The following CHN1 variants were observed in gnomAD, a reference collection of about 807,000 sequenced individuals.
The protein encoded by CHN1 is N-chimaerin.
A neutral mutation model predicts 59.5 loss-of-function variants in CHN1; 37 were observed. That is an observed-to-expected ratio of 0.62 (90% CI 0.48 to 0.82). The LOEUF (loss-of-function observed/expected upper bound fraction) is 0.82. CHN1 is among the 40% of genes least tolerant of loss of function. The pLI, the probability that CHN1 is intolerant of heterozygous loss-of-function variation, is 0.00. For missense variants in CHN1, 469 were observed against 571.0 expected (o/e 0.82, Z 1.82); for synonymous variants, 206 against 200.4 (o/e 1.03, Z -0.24).
chr2:174,807,136 A>G (rs1186443827), intron 11 of CHN1, among the ~76,000 whole-genome samples: 1 of 152,202 alleles, frequency 6.6e-6, no homozygotes, highest in Admixed American at 6.5e-5. Context: ...GATAATAAAA[A>G]GGAGAGATTT....
intron 7 of CHN1, among the ~76,000 whole-genome samples, chr2:174,840,511 T>C (rs1042448451): frequency 2.0e-5 from 3 of 152,086 alleles, no homozygotes; most frequent in African/African-American, 7.2e-5. Context: ...TATATTGACA[T>C]TTGCTTTCTT....
intron 7 of CHN1, among the ~76,000 whole-genome samples, chr2:174,839,559 C>G (rs1686215123): frequency 6.6e-6 from 1 of 151,336 alleles, no homozygotes; most frequent in Admixed American, 6.6e-5. Context: ...AACTTGTGAG[C>G]AACACGATGC....
intron 1 of CHN1, among the ~76,000 whole-genome samples, chr2:174,985,757 T>A (rs1375512124): frequency 1.3e-5 from 2 of 152,052 alleles, no homozygotes; most frequent in Non-Finnish European, 2.9e-5. Flanking sequence ...TTTCAAGGAG[T>A]CTTGACTAAA....
chr2:174,802,722 A>G lies in CHN1; in HGVS notation c.1103-910T>C, dbSNP rs529585319. Among the ~76,000 whole-genome samples, 58 of 152,298 alleles carry G rather than the reference A, an allele frequency of 3.8e-4. No individual in the cohort carries two copies. The South Asian group carries it at 0.011, about 30-fold the overall frequency. On this transcript the variant is annotated intron_variant, in intron 11 of 12. Transcript: ENST00000409900. ...ACAGTACATTCCTGCTTCTACTCAAAGGTCAAAAGATGGGGTGCTTTTAAA... is the reference window on the plus strand; with the variant it reads ...ACAGTACATTCCTGCTTCTACTCAAGGGTCAAAAGATGGGGTGCTTTTAAA...
intron 7 of CHN1, among the ~76,000 whole-genome samples, chr2:174,835,039 T>C (rs1302196220): frequency 6.6e-6 from 1 of 152,214 alleles, no homozygotes; most frequent in Non-Finnish European, 1.5e-5. Flanking sequence ...CCTTGACTTA[T>C]GATGGGGTTA....
Position 174,999,203 on chromosome 2 carries a change from T to C in CHN1, c.19+5691A>G, listed in dbSNP as rs564576769. Among the ~76,000 whole-genome samples the C allele has an allele frequency of 5.3e-5, 8 of 152,346 alleles. No homozygotes were observed. In the South Asian group the frequency reaches 1.7e-3, roughly 32 times the overall value. ...CAAAGTTCATAGAAATTATTTTCTA[T>C]GTAAGAATAACTAATGGCTGGTAAT... is the stretch of plus-strand genomic sequence containing the variant. On this transcript the variant is annotated intron_variant, in intron 1 of 12. Transcript: ENST00000409900.
At chr2:174,830,401 A>C (rs907466013) in intron 7 of CHN1, among the ~76,000 whole-genome samples, 2 of 152,212 alleles carry the variant, frequency 1.3e-5, no homozygotes, top group South Asian at 2.1e-4. Context: ...TTACTATAGG[A>C]GTATCTTTAG....
chr2:174,862,560 T>C (rs1687103058), intron 6 of CHN1, among the ~76,000 whole-genome samples: 1 of 152,166 alleles, frequency 6.6e-6, no homozygotes, highest in Non-Finnish European at 1.5e-5. Context: ...CTCAATCTCC[T>C]AACCTCGTGA....
At chr2:174,907,125 G>A (rs1688566105) in intron 5 of CHN1, among the ~76,000 whole-genome samples, 1 of 152,152 alleles carries the variant, frequency 6.6e-6, no homozygotes, top group Non-Finnish European at 1.5e-5. Flanking sequence ...ACATTAATCA[G>A]AAGGCTGCTT....
chr2:174,967,914 G>T lies in CHN1; in HGVS notation c.20-15712C>A, dbSNP rs1690644277. On this transcript the variant is annotated intron_variant, in intron 1 of 12. Transcript: ENST00000409900. ...ACTTGGATTCTTGCCCTTGGAACAG[G>T]AATCGATCATATTCCCTGGCCTGGG... is the stretch of plus-strand genomic sequence containing the variant. 2.6e-5 allele frequency among the ~76,000 whole-genome samples: 4 copies of T among 152,184 alleles called. No individual in the cohort carries two copies. The South Asian group carries it at 8.3e-4, about 32-fold the overall frequency.
At position 174,990,211 on chromosome 2, in the gene CHN1, G is replaced by A. The variant is rs574998827; in HGVS notation, c.19+14683C>T. ...TGACATTGGCAGACTTGGTGTGTGC[G>A]GGGTGTGTGTGTGTGGTGTGTCTGT... On this transcript the variant is annotated intron_variant, in intron 1 of 12. Transcript: ENST00000409900. Among the ~76,000 whole-genome samples, 13 of 150,490 alleles carry A rather than the reference G, an allele frequency of 8.6e-5. No homozygotes were observed. In the East Asian group the frequency reaches 1.6e-3, roughly 18 times the overall value.
At chr2:174,911,071 A>G (rs1688689419) in intron 5 of CHN1, among the ~76,000 whole-genome samples, 1 of 152,202 alleles carries the variant, frequency 6.6e-6, no homozygotes, top group Non-Finnish European at 1.5e-5. Context: ...TTTGACATTA[A>G]AAACTCAACG....
At chr2:174,904,878 C>A (rs1335980684) in intron 5 of CHN1, among the ~76,000 whole-genome samples, 1 of 152,108 alleles carries the variant, frequency 6.6e-6, no homozygotes, top group East Asian at 1.9e-4. Flanking sequence ...AGACAGCAAA[C>A]CTGCCCAGCC....
chr2:174,907,538 G>A (rs1688574817), intron 5 of CHN1, among the ~76,000 whole-genome samples: 1 of 151,580 alleles, frequency 6.6e-6, no homozygotes, highest in Non-Finnish European at 1.5e-5. Context: ...AGATTTAGGA[G>A]GTATTATCTT....
intron 7 of CHN1, among the ~76,000 whole-genome samples, chr2:174,835,512 C>G (rs1253591798): frequency 1.3e-5 from 2 of 151,574 alleles, no homozygotes; most frequent in East Asian, 3.9e-4. Context: ...CTTCTGTGAC[C>G]CAAATTACAC....
chr2:174,935,743 T>C (rs945752499), intron 3 of CHN1, among the ~76,000 whole-genome samples: 20 of 151,930 alleles, frequency 1.3e-4, no homozygotes, highest in African/African-American at 4.8e-4. Context: ...CTGGGGAACA[T>C]AGTAAGACCT....
At chr2:174,882,600 T>A (rs1204074733) in intron 5 of CHN1, among the ~76,000 whole-genome samples, 1 of 152,240 alleles carries the variant, frequency 6.6e-6, no homozygotes, top group African/African-American at 2.4e-5. Context: ...AGCTAACAGA[T>A]GTTTTGTGTT....
chr2:174,897,210 A>T (rs1197701053), intron 5 of CHN1, among the ~76,000 whole-genome samples: 22 of 152,058 alleles, frequency 1.4e-4, no homozygotes, highest in Non-Finnish European at 2.2e-4. Flanking sequence ...TGAAAAGATG[A>T]TTATTCCTGA....
intron 5 of CHN1, among the ~76,000 whole-genome samples, chr2:174,897,524 A>C (rs1190189751): frequency 6.6e-6 from 1 of 151,974 alleles, no homozygotes; most frequent in Non-Finnish European, 1.5e-5. Flanking sequence ...TTAAAAAAAA[A>C]AAAAATCAAA....
Sources: allele counts gnomAD v4.1 joint callset (sites outside exome capture counted in the v4.1 genomes callset), GRCh38; gene constraint gnomAD v4.1.1; transcripts MANE v1.5; gene names NCBI Gene and HGNC (gene_info 2026-07-23, HGNC 2026-07-21).